DSE: variants seen among roughly 807,000 people sequenced by gnomAD.
DSE encodes dermatan-sulfate epimerase.
A neutral mutation model predicts 84.4 loss-of-function variants in DSE; 36 were observed. The observed-to-expected ratio is 0.43, with a 90% CI of 0.33 to 0.56. The LOEUF is 0.56. Ranked by LOEUF, DSE falls within the 20% of genes least tolerant of loss-of-function variation. The probability of loss-of-function intolerance (pLI) is 0.06; values close to 1 mark genes in which losing one functional copy is unlikely to be tolerated. For synonymous variants in DSE, 410 were observed against 430.1 expected, an observed-to-expected ratio of 0.95 and a Z score of 0.58; for missense variants, 862 against 1,169.6, an observed-to-expected ratio of 0.74 and a Z score of 3.84.
rs188174698 is a variant in DSE at position 116,429,273 on chromosome 6, C to G, written c.671-1681C>G. On this transcript the variant is annotated intron_variant, in intron 3 of 5. Transcript: ENST00000644252. ...CCCAAGCCTGACAGCTGCATTGCCC[C>G]CATTAGTCAGGAGCCAAGTCTTAGC... Among the ~76,000 whole-genome samples, 863 of 152,240 alleles carry G rather than the reference C, an allele frequency of 5.7e-3. 7 individuals are homozygous for G. Among genetic ancestry groups the G allele is most frequent in the Non-Finnish European group, 8.6e-3 (582 of 68,000 alleles).
At chr6:116,391,334 T>C (rs1309035229) in intron 1 of DSE, among the ~76,000 whole-genome samples, 1 of 152,220 alleles carries the variant, frequency 6.6e-6, no homozygotes, top group Non-Finnish European at 1.5e-5. Flanking sequence ...GGTTTTGCTG[T>C]GTGGCCTCAG....
intron 2 of DSE, among the ~76,000 whole-genome samples, chr6:116,318,073 G>A (rs189770909): frequency 6.8e-4 from 103 of 152,164 alleles, no homozygotes; most frequent in African/African-American, 2.0e-3. Context: ...TTCTATGATC[G>A]AACAAGGAGT....
At position 116,396,778 on chromosome 6, in the gene DSE, C is replaced by T. The variant is rs975699639; in HGVS notation, c.-53-2420C>T. On this transcript the variant is annotated intron_variant, in intron 1 of 5. Coordinates refer to ENST00000644252, the MANE Select transcript of DSE (RefSeq NM_013352.4). Reference sequence around the variant, plus strand: ...TTTGCTGAGTTAGGCATGTAGGCCCCACAGTGTGAGGGACTCTTCGGAGCA... The same window carrying T: ...TTTGCTGAGTTAGGCATGTAGGCCCTACAGTGTGAGGGACTCTTCGGAGCA... 2.6e-5 allele frequency among the ~76,000 whole-genome samples: 4 copies of T among 152,164 alleles called. No individual in the cohort carries two copies. In the South Asian group the frequency reaches 6.2e-4, roughly 24 times the overall value.
chr6:116,333,219 A>G (rs900186400), intron 2 of DSE, among the ~76,000 whole-genome samples: 11 of 152,194 alleles, frequency 7.2e-5, no homozygotes, highest in Non-Finnish European at 1.6e-4. Flanking sequence ...TCTGCTGCAT[A>G]ACAGAGTACC....
chr6:116,364,700 A>G (rs1290804386), intron 2 of DSE, among the ~76,000 whole-genome samples: 1 of 152,280 alleles, frequency 6.6e-6, no homozygotes, highest in Admixed American at 6.5e-5. Flanking sequence ...GAAATACATT[A>G]GTGAGCTTGA....
At chr6:116,388,396 T>A (rs1306900508) in intron 1 of DSE, among the ~76,000 whole-genome samples, 1 of 152,202 alleles carries the variant, frequency 6.6e-6, no homozygotes, top group Non-Finnish European at 1.5e-5. Context: ...GTTTAGTCTC[T>A]TCTGGAAACA....
upstream of DSE, among the ~76,000 whole-genome samples, chr6:116,369,312 T>C (rs1016669560): frequency 6.6e-6 from 1 of 152,208 alleles, no homozygotes; most frequent in Non-Finnish European, 1.5e-5. Flanking sequence ...AAAGTCTCTT[T>C]CAAATTTGAG....
intron 2 of DSE, among the ~76,000 whole-genome samples, chr6:116,345,209 T>A (rs1177242943): frequency 3.3e-5 from 5 of 152,102 alleles, no homozygotes; most frequent in African/African-American, 1.2e-4. Flanking sequence ...GACAGATCAA[T>A]GAGATAGAAA....
rs75824744 is a variant in DSE at position 116,266,931 on chromosome 6, A to T, written c.-54+7964A>T. Among the ~76,000 whole-genome samples, 395 of 152,378 alleles carry T rather than the reference A, an allele frequency of 2.6e-3. 3 individuals carry two copies. Among genetic ancestry groups the T allele is most frequent in the African/African-American group, 9.2e-3 (384 of 41,602 alleles). ...TCAAATGATGGATCACATATCCAAC[A>T]GTAAAATTATGATGGAGCTGAAAAT... On this transcript the variant is annotated intron_variant, in intron 2 of 3. Transcript: ENST00000430252.
intron 2 of DSE, chr6:116,279,475 C>G (rs1773356584): frequency 6.2e-7 from 1 of 1,612,278 alleles, no homozygotes; most frequent in Non-Finnish European, 8.5e-7. Context: ...TTTCAGGCTG[C>G]GGTCGGCTGC....
intron 2 of DSE, among the ~76,000 whole-genome samples, chr6:116,422,677 AAACAAC>A (rs879556558): frequency 1.3e-5 from 2 of 152,330 alleles, no homozygotes; most frequent in East Asian, 3.9e-4. Flanking sequence ...TTTAAAAATT[AAACAAC>A]AACAACAACA....
upstream of DSE, chr6:116,370,786 G>C: frequency 1.0e-6 from 1 of 974,996 alleles, no homozygotes; most frequent in Non-Finnish European, 1.2e-6. Flanking sequence ...TCGGGGTTCG[G>C]CCGGGGGAGG....
intron 2 of DSE, among the ~76,000 whole-genome samples, chr6:116,301,857 C>T (rs527943225): frequency 8.5e-5 from 13 of 152,322 alleles, no homozygotes; most frequent in African/African-American, 2.9e-4. Context: ...CACTGTTCAA[C>T]TCCCACTTAT....
chr6:116,408,297 A>G (rs934376501), intron 2 of DSE, among the ~76,000 whole-genome samples: 2 of 152,162 alleles, frequency 1.3e-5, no homozygotes, highest in African/African-American at 2.4e-5. Flanking sequence ...CAAAACTGTT[A>G]TAGGTTGTTT....
At chr6:116,270,848 A>G (rs555814202) in intron 2 of DSE, among the ~76,000 whole-genome samples, 1 of 152,286 alleles carries the variant, frequency 6.6e-6, no homozygotes, top group East Asian at 1.9e-4. Context: ...GAGAAACCCT[A>G]ATTGAATGCA....
intron 2 of DSE, among the ~76,000 whole-genome samples, chr6:116,309,588 A>G (rs1047522855): frequency 5.9e-5 from 9 of 152,372 alleles, no homozygotes; most frequent in African/African-American, 2.2e-4. Context: ...TGCTACAACA[A>G]AATATCTGAG....
intron 2 of DSE, among the ~76,000 whole-genome samples, chr6:116,362,297 C>T (rs1562254322): frequency 6.6e-6 from 1 of 152,128 alleles, no homozygotes; most frequent in Non-Finnish European, 1.5e-5. Context: ...TGGCCCTCAC[C>T]CCTAGAGAAT....
At chr6:116,403,838 C>T (rs1043217157) in intron 2 of DSE, among the ~76,000 whole-genome samples, 24 of 152,136 alleles carry the variant, frequency 1.6e-4, no homozygotes, top group African/African-American at 4.1e-4. Context: ...TTGCAGTGTA[C>T]GTATGATGAA....
Position 116,276,400 on chromosome 6 carries a change from A to G in DSE, c.-54+17433A>G, listed in dbSNP as rs78062676. On this transcript the variant is annotated intron_variant, in intron 2 of 3. Coordinates refer to the DSE transcript ENST00000430252. Reference sequence around the variant, plus strand: ...GGGGAGGTTGTGCTGCATAAACTACATGGAAAAAAGTGATTGAGTAAGCAG... The same window carrying G: ...GGGGAGGTTGTGCTGCATAAACTACGTGGAAAAAAGTGATTGAGTAAGCAG... Among the ~76,000 whole-genome samples, 22 of 152,334 alleles carry G rather than the reference A, an allele frequency of 1.4e-4. No individual in the cohort carries two copies. The East Asian group carries it at 4.2e-3, about 29-fold the overall frequency.
Sources: allele counts gnomAD v4.1 joint callset (sites outside exome capture counted in the v4.1 genomes callset), GRCh38; gene constraint gnomAD v4.1.1; transcripts MANE v1.5; gene names NCBI Gene and HGNC (gene_info 2026-07-23, HGNC 2026-07-21).